The following PAK4 variants were observed in gnomAD, a reference collection of about 807,000 sequenced individuals.
PAK4 encodes serine/threonine-protein kinase PAK 4.
Under a neutral mutation model 53.5 loss-of-function variants are expected in PAK4, and 49 were observed. That is an observed-to-expected ratio of 0.92 (90% CI 0.73 to 1.16). The LOEUF is 1.16. Among genes scored for constraint, PAK4 ranks in the 50% most tolerant of loss-of-function variants. The pLI is 0.00. For synonymous variants in PAK4, 376 were observed against 375.6 expected, an observed-to-expected ratio of 1.00 and a Z score of -0.01; for missense variants, 824 against 850.7, an observed-to-expected ratio of 0.97 and a Z score of 0.39.
chr19:39,169,716 G>A (rs1568523248), exon 2 of PAK4: 3 of 1,609,780 alleles, frequency 1.9e-6, no homozygotes, highest in Admixed American at 1.7e-5. Context: ...GCCCCTCGTC[G>A]ACCCCGCCTG....
At chr19:39,127,263 G>T (rs562186356) in intron 1 of PAK4, among the ~76,000 whole-genome samples, 1 of 151,960 alleles carries the variant, frequency 6.6e-6, no homozygotes, top group South Asian at 2.1e-4. Context: ...ACTTCTTATG[G>T]CTCTGCCCAT....
Position 39,161,612 on chromosome 19 carries a change from C to T in PAK4, c.-22-7920C>T, listed in dbSNP as rs2074285599. Among the ~76,000 whole-genome samples the T allele has an allele frequency of 6.6e-6, 1 of 152,014 alleles. No homozygotes were observed. The highest frequency in any genetic ancestry group is 2.4e-5 in the African/African-American group (1 of 41,370). Reference sequence around the variant, plus strand: ...CCAGCCAGTGGGAGCCTGTGAACTCCTGAGTCAGGCGGTGGCCCTCCTGGG... The same window carrying T: ...CCAGCCAGTGGGAGCCTGTGAACTCTTGAGTCAGGCGGTGGCCCTCCTGGG... On this transcript the variant is annotated intron_variant, in intron 1 of 8. Transcript: ENST00000358301. This position sits in a 1 kb window ranked among gnomAD's most constrained non-coding sequence, Gnocchi z 4.5.
Position 39,173,233 on chromosome 19 carries a change from T to G in PAK4, c.520T>G (p.Ser174Ala), listed in dbSNP as rs1187747321. The stretch of plus-strand genomic sequence containing the variant: ...GGGCTCAGGGGGTCCCCAGGAGTCC[T>G]CCCGGGACAAACGCCCCCTCTCCGG... Residue 174 changes from serine (S) to alanine (A), a missense_variant, in exon 3 of 9, where the codon TCC (serine) becomes GCC (alanine). By Grantham distance (99) the Ser-to-Ala change is moderately conservative. Transcript: ENST00000358301. The surrounding 1 kb of genome is among the most constrained non-coding windows in gnomAD (Gnocchi z 6.9). 9.5e-6 allele frequency: 15 copies of G among 1,573,030 alleles called. No homozygotes were observed. Among genetic ancestry groups the G allele is most frequent in the Non-Finnish European group, 6.0e-6 (7 of 1,159,814 alleles).
intron 1 of PAK4, among the ~76,000 whole-genome samples, chr19:39,165,623 C>T (rs1291735365): frequency 6.6e-6 from 1 of 152,202 alleles, no homozygotes; most frequent in Non-Finnish European, 1.5e-5. Flanking sequence ...GGTAAGAGCC[C>T]AGCCTTCAGT....
chr19:39,173,328 T>G lies in PAK4; in HGVS notation c.615T>G (p.Phe205Leu). The stretch of plus-strand genomic sequence containing the variant: ...CGAAACTGGCAGCTGGCCGGCCCTT[T>G]AACACCTACCCGAGGGCTGACACGG... Residue 205 changes from phenylalanine (F) to leucine (L), a missense_variant, in exon 3 of 9, where the codon TTT becomes TTG. Physicochemically the swap from Phe to Leu is conservative, Grantham distance 22. Transcript: ENST00000358301. The surrounding 1 kb of genome is among the most constrained non-coding windows in gnomAD (Gnocchi z 6.9). 6.3e-7 allele frequency: 1 copy of G among 1,585,526 alleles called. No homozygotes were observed. The highest frequency in any genetic ancestry group is 1.1e-5 in the South Asian group (1 of 88,866).
At chr19:39,164,626 C>T (rs563816384) in intron 1 of PAK4, among the ~76,000 whole-genome samples, 35 of 152,180 alleles carry the variant, frequency 2.3e-4, no homozygotes, top group African/African-American at 6.7e-4. Context: ...TCTCAGGCCA[C>T]GAGGAGGCAT....
intron 1 of PAK4, among the ~76,000 whole-genome samples, chr19:39,165,769 G>T (rs1156230302): frequency 6.6e-6 from 1 of 152,150 alleles, no homozygotes; most frequent in African/African-American, 2.4e-5. Flanking sequence ...TCATGAATTG[G>T]GATGAGGATG....
intron 1 of PAK4, among the ~76,000 whole-genome samples, chr19:39,131,807 G>A (rs2073717249): frequency 6.6e-6 from 1 of 152,146 alleles, no homozygotes; most frequent in Admixed American, 6.5e-5. Context: ...ACATCCCTTA[G>A]CCTTTTTCAC....
chr19:39,163,005 A>G (rs1372322081), intron 1 of PAK4, among the ~76,000 whole-genome samples: 1 of 152,116 alleles, frequency 6.6e-6, no homozygotes, highest in Non-Finnish European at 1.5e-5. Context: ...GCAAGAGCTA[A>G]GCCAAGGTTT....
chr19:39,148,483 T>TTTTTTTTTTTTTTA (rs2074041919), intron 1 of PAK4, among the ~76,000 whole-genome samples: 1 of 129,470 alleles, frequency 7.7e-6, no homozygotes, highest in Admixed American at 8.2e-5. Flanking sequence ...TTTTTTTTTT[T>TTTTTTTTTTTTTTA]TTTTGAGAGA....
At chr19:39,180,758 C>T (rs1224803053), downstream of PAK4, 2 of 152,050 alleles carry the variant, frequency 1.3e-5, no homozygotes, top group Non-Finnish European at 2.9e-5. Context: ...ATGAGGTTTA[C>T]CAGACTTTGA....
chr19:39,143,319 G>A (rs2073941072), intron 1 of PAK4, among the ~76,000 whole-genome samples: 1 of 150,322 alleles, frequency 6.7e-6, no homozygotes, highest in Admixed American at 6.7e-5. Context: ...GGCTGGGTGT[G>A]GTGGCTCACG....
chr19:39,131,921 C>T lies in PAK4; in HGVS notation c.-23+6002C>T, dbSNP rs534351950. On this transcript the variant is annotated intron_variant, in intron 1 of 8. Coordinates refer to ENST00000358301, the Ensembl canonical transcript of PAK4. Reference sequence around the variant, plus strand: ...GCCACCTCTCAGGGCTGTGGGAGGGCGGAAGATCATGTGTGTGCGTCGTGC... The same window carrying T: ...GCCACCTCTCAGGGCTGTGGGAGGGTGGAAGATCATGTGTGTGCGTCGTGC... 1.7e-4 allele frequency among the ~76,000 whole-genome samples: 26 copies of T among 152,260 alleles called. No homozygotes were observed. In the East Asian group the frequency reaches 3.5e-3, roughly 20 times the overall value.
intron 1 of PAK4, among the ~76,000 whole-genome samples, chr19:39,129,236 C>T (rs2073653692): frequency 6.6e-6 from 1 of 151,868 alleles, no homozygotes; most frequent in Non-Finnish European, 1.5e-5. Flanking sequence ...GTCTGGATGT[C>T]TCTTGGTGGG....
At chr19:39,172,176 G>C (rs1220979422) in intron 2 of PAK4, among the ~76,000 whole-genome samples, 1 of 150,868 alleles carries the variant, frequency 6.6e-6, no homozygotes, top group East Asian at 2.0e-4. Flanking sequence ...CCTGAGAGCT[G>C]ATGTTCCAGG....
rs1211584024 is a variant in PAK4, at chr19:39,175,932, A to G, written c.1359+494A>G. Among the ~76,000 whole-genome samples, 1 of 152,208 alleles carries G rather than the reference A, an allele frequency of 6.6e-6. No individual in the cohort carries two copies. The highest frequency in any genetic ancestry group is 2.4e-5 in the African/African-American group (1 of 41,450). ...ATGACTCCATCCCCTCCCCCAAGGA[A>G]GATTAAGCCACACCATTAGTCCAGG... On this transcript the variant is annotated intron_variant, in intron 6 of 8. Transcript: ENST00000358301. The surrounding 1 kb of genome is among the most constrained non-coding windows in gnomAD (Gnocchi z 4.7).
chr19:39,131,492 T>C (rs2073710076), intron 1 of PAK4, among the ~76,000 whole-genome samples: 1 of 152,030 alleles, frequency 6.6e-6, no homozygotes, highest in Non-Finnish European at 1.5e-5. Context: ...GGAAGCAACC[T>C]CCTTCCAAGT....
At chr19:39,140,170 C>T (rs2073887186) in intron 1 of PAK4, among the ~76,000 whole-genome samples, 1 of 152,124 alleles carries the variant, frequency 6.6e-6, no homozygotes, top group Non-Finnish European at 1.5e-5. Context: ...CTCCCTTCCC[C>T]ACCCCACCCT....
rs2074581784 is a variant in PAK4 at position 39,175,322 on chromosome 19, GAGC to G, written c.1246_1248del (p.Gln416del). The stretch of plus-strand genomic sequence containing the variant: ...CACCCCACCCCGCAGGATGAACGAG[GAGC>G]AGATCGCGGCCGTGTGCCTTGCAGT... On this transcript the variant is annotated inframe_deletion, in exon 6 of 9. Transcript: ENST00000358301. The surrounding 1 kb of genome is among the most constrained non-coding windows in gnomAD (Gnocchi z 4.7). The G allele has an allele frequency of 6.3e-7, 1 of 1,584,172 alleles. No individual in the cohort carries two copies. The highest frequency in any genetic ancestry group is 1.1e-5 in the South Asian group (1 of 87,342).
Sources: gnomAD v4.1 joint callset for allele counts (sites outside exome capture counted in the v4.1 genomes callset) on GRCh38, gnomAD v4.1.1 for gene constraint, Gnocchi (gnomAD v3.1) non-coding constraint, MANE v1.5 for transcripts, NCBI Gene and HGNC (gene_info 2026-07-23, HGNC 2026-07-21) for gene names.